The following ATP2C2 variants were observed in gnomAD, a reference collection of about 807,000 sequenced individuals.
The protein encoded by ATP2C2 is ATPase secretory pathway Ca2+ transporting 2.
A neutral mutation model predicts 110.8 loss-of-function variants in ATP2C2; 171 were observed. That is an observed-to-expected ratio of 1.54 (90% CI 1.36 to 1.75). The LOEUF is 1.75. Ranked by LOEUF, ATP2C2 falls within the 40% of genes most tolerant of loss-of-function variation. The pLI is 0.00. For missense variants in ATP2C2, 1,963 were observed against 1,235.0 expected (o/e 1.59, Z -8.84); for synonymous variants, 804 against 508.4 (o/e 1.58, Z -7.82).
chr16:84,387,271 C>T (rs1335759380), intron 1 of ATP2C2, among the ~76,000 whole-genome samples: 1 of 152,174 alleles, frequency 6.6e-6, no homozygotes, highest in Non-Finnish European at 1.5e-5. Flanking sequence ...CCTGTAATCC[C>T]AGCGCGTTGG....
intron 1 of ATP2C2, among the ~76,000 whole-genome samples, chr16:84,370,843 T>C (rs140034613): frequency 6.6e-6 from 1 of 152,280 alleles, no homozygotes; most frequent in East Asian, 1.9e-4. Context: ...ACCCCAGTTC[T>C]AATAGTGATT....
rs775494516 is a variant in ATP2C2, at chr16:84,439,186, C to T, written c.1007C>T (p.Pro336Leu). ...IGVSLAVAAIPEGLPIVVMVT... is the reference protein window; with the variant it reads ...IGVSLAVAAILEGLPIVVMVT... ...TCCAGCCTGGCTGTGGCGGCCATTC[C>T]AGAGGGTCTGCCCATCGTCGTCATG... Residue 336 changes from proline to leucine, a missense_variant, in exon 12 of 27, where the codon CCA becomes CTA. By Grantham distance (98) the Pro-to-Leu change is moderately conservative. Transcript: ENST00000262429. 6.2e-7 allele frequency: 1 copy of T among 1,612,058 alleles called. No individual in the cohort carries two copies. The highest frequency in any genetic ancestry group is 8.5e-7 in the Non-Finnish European group (1 of 1,180,016).
At chr16:84,378,329 G>A (rs148972783) in intron 1 of ATP2C2, among the ~76,000 whole-genome samples, 212 of 152,244 alleles carry the variant, frequency 1.4e-3, no homozygotes, top group Admixed American at 4.8e-3. Context: ...CCCCTCCGTC[G>A]CCGGCCACAT....
chr16:84,449,975 G>A (rs1910108735), intron 17 of ATP2C2, among the ~76,000 whole-genome samples: 1 of 152,224 alleles, frequency 6.6e-6, no homozygotes, highest in South Asian at 2.1e-4. Context: ...ATCCCCACCG[G>A]GCAGAGGAGC....
At position 84,452,270 on chromosome 16, in the gene ATP2C2, G is replaced by A. The variant is rs530829313; in HGVS notation, c.1831+179G>A. On this transcript the variant is annotated intron_variant, in intron 18 of 26. Coordinates refer to ENST00000262429, the MANE Select transcript of ATP2C2 (RefSeq NM_014861.4). ...GCATTCCAATTTCTGAGGTGTTCTC[G>A]TTTCTGAAATGTTGGCAGGTTCTGC... is the stretch of plus-strand genomic sequence containing the variant. Among the ~76,000 whole-genome samples the A allele has an allele frequency of 2.6e-4, 39 of 152,282 alleles. 1 individual carries two copies. The highest frequency in any genetic ancestry group is 7.8e-4 in the Admixed American group (12 of 15,298).
intron 15 of ATP2C2, 101 bp downstream of exon 15, chr16:84,442,700 T>C: frequency 8.7e-7 from 1 of 1,153,630 alleles, no homozygotes. Flanking sequence ...AGTGGGGACG[T>C]TAGGTAATCA....
intron 9 of ATP2C2, 37 bp downstream of exon 9, chr16:84,422,734 C>A: frequency 6.4e-7 from 1 of 1,571,892 alleles, no homozygotes; most frequent in Admixed American, 1.9e-5. Context: ...CTTTTGTAAG[C>A]TGGAGTTTGA....
At chr16:84,403,551 C>A (rs920941200) in intron 2 of ATP2C2, among the ~76,000 whole-genome samples, 9 of 152,186 alleles carry the variant, frequency 5.9e-5, no homozygotes, top group African/African-American at 1.7e-4. Context: ...CAAGCAATCT[C>A]CCCACCTCAA....
intron 7 of ATP2C2, among the ~76,000 whole-genome samples, chr16:84,417,259 G>A (rs11860951): frequency 0.03 from 4,513 of 152,190 alleles, 215 homozygotes; most frequent in African/African-American, 0.098. Flanking sequence ...GGGGGCTGCC[G>A]TACTGCAGTG....
rs556355776 is a variant in ATP2C2 at position 84,369,028 on chromosome 16, C to G, written c.99+314C>G. Among the ~76,000 whole-genome samples the G allele has an allele frequency of 1.4e-4, 21 of 152,328 alleles. No individual in the cohort carries two copies. The South Asian group carries it at 4.1e-3, about 30-fold the overall frequency. On this transcript the variant is annotated intron_variant, in intron 1 of 26. Transcript: ENST00000262429. ...GGGAACTTAACCTAGGTTTCTCTGA[C>G]TCCAGAGAATTAAAATTCCTGGGTC... is the stretch of plus-strand genomic sequence containing the variant.
chr16:84,423,404 G>T, intron 10 of ATP2C2, 141 bp downstream of exon 10: 1 of 732,446 alleles, frequency 1.4e-6, no homozygotes. Context: ...CTCTCCACAA[G>T]CAACAAGAGC....
At chr16:84,451,644 C>G (rs1397525026) in intron 17 of ATP2C2, among the ~76,000 whole-genome samples, 1 of 152,108 alleles carries the variant, frequency 6.6e-6, no homozygotes, top group South Asian at 2.1e-4. Context: ...TTGAGACCAG[C>G]CTGGCCAACA....
In ATP2C2 at chr16:84,442,501, C is replaced by T; in HGVS notation, c.1312-9C>T. 2.5e-6 allele frequency: 4 copies of T among 1,613,854 alleles called. No individual in the cohort carries two copies. In the East Asian group the frequency reaches 8.9e-5, roughly 36 times the overall value. Reference sequence around the variant, plus strand: ...ACTAACTACAGATGTCCGGACAATCCCCTTTTAGGCGGGCTGTGTTGCCAA... The same window carrying T: ...ACTAACTACAGATGTCCGGACAATCTCCTTTTAGGCGGGCTGTGTTGCCAA... On this transcript the variant is annotated splice_polypyrimidine_tract_variant and intron_variant, in intron 14 of 26. Transcript: ENST00000262429.
chr16:84,383,459 C>T (rs902222609), intron 1 of ATP2C2, among the ~76,000 whole-genome samples: 1 of 152,220 alleles, frequency 6.6e-6, no homozygotes, highest in Non-Finnish European at 1.5e-5. Flanking sequence ...AGTATGTGCT[C>T]AGCCAATGCG....
At chr16:84,374,645 C>G (rs1057224835) in intron 1 of ATP2C2, among the ~76,000 whole-genome samples, 4 of 152,030 alleles carry the variant, frequency 2.6e-5, no homozygotes, top group African/African-American at 7.3e-5. Context: ...TGGTGGCCAT[C>G]ATATTAGGGG....
chr16:84,447,093 A>C (rs1226717912), intron 16 of ATP2C2, among the ~76,000 whole-genome samples: 1 of 152,116 alleles, frequency 6.6e-6, no homozygotes, highest in African/African-American at 2.4e-5. Context: ...GATTTTCCTT[A>C]AAAGCTATTT....
rs921006014 is a variant in ATP2C2 at position 84,378,765 on chromosome 16, A to C, written c.99+10051A>C. Among the ~76,000 whole-genome samples the C allele has an allele frequency of 3.0e-4, 45 of 152,320 alleles. 1 individual carries two copies. The highest frequency in any genetic ancestry group is 1.0e-3 in the African/African-American group (42 of 41,582). ...CGGCCCCCTCCTTGAAAAATGACTA[A>C]GAATCTCAAGAAGGCGGCAGCAGAG... On this transcript the variant is annotated intron_variant, in intron 1 of 26. Transcript: ENST00000262429.
At chr16:84,380,603 C>G (rs1386537832) in intron 1 of ATP2C2, among the ~76,000 whole-genome samples, 1 of 152,148 alleles carries the variant, frequency 6.6e-6, no homozygotes, top group Non-Finnish European at 1.5e-5. Context: ...CTGCGCAAGT[C>G]TAGAGAGGCT....
chr16:84,398,503 A>T lies in ATP2C2; in HGVS notation c.104A>T (p.Asp35Val). The T allele has an allele frequency of 6.2e-7, 1 of 1,607,612 alleles. No individual in the cohort carries two copies. ...GCAACCCTGCTCTTTTCACAGATTG[A>T]TGAACAGAGTGAGCTGAAAGCCATC... ...LEKDEEEALI[D>V]EQSELKAIEK... The change falls in exon 2 of 27, where the codon GAT becomes GTT. Residue 35 changes from aspartate to valine, a missense_variant. Transcript: ENST00000262429.
Sources: allele counts gnomAD v4.1 joint callset (sites outside exome capture counted in the v4.1 genomes callset), GRCh38; gene constraint gnomAD v4.1.1; transcripts MANE v1.5; gene names NCBI Gene and HGNC (gene_info 2026-07-23, HGNC 2026-07-21).